Variants in GPN1 observed in about 807,000 individuals in gnomAD.
The protein encoded by GPN1 is GPN-loop GTPase 1.
In GPN1, 44 loss-of-function variants were observed where a neutral mutation model predicts 55.9. The ratio of observed to expected loss-of-function variants is 0.79; its 90% CI spans 0.62 to 1.01. The LOEUF (loss-of-function observed/expected upper bound fraction) is 1.01, where lower values mean the gene tolerates loss of function less well. Among genes scored for constraint, GPN1 ranks in the 50% least tolerant of loss-of-function variants. GPN1 has a pLI of 0.00. For synonymous variants in GPN1, 179 were observed against 162.5 expected, an observed-to-expected ratio of 1.10 and a Z score of -0.77; for missense variants, 466 against 462.8, an observed-to-expected ratio of 1.01 and a Z score of -0.06.
At chr2:27,638,306 G>C (rs751336566) in intron 8 of GPN1, 51 bp downstream of exon 8, 7 of 1,027,054 alleles carry the variant, frequency 6.8e-6, no homozygotes, top group Non-Finnish European at 1.1e-5. Context: ...AGAACCTTGT[G>C]GTTAGAAGGT....
At chr2:27,639,952 C>A (rs2148072742) in intron 9 of GPN1, 91 bp from the exon 10 acceptor site, 2 of 938,182 alleles carry the variant, frequency 2.1e-6, no homozygotes, top group Admixed American at 2.0e-5. Flanking sequence ...ACCACTCTTA[C>A]TAAGATTTTA....
chr2:27,645,085 A>G (rs1042909528), intron 12 of GPN1, among the ~76,000 whole-genome samples: 2 of 152,018 alleles, frequency 1.3e-5, no homozygotes, highest in African/African-American at 4.8e-5. Flanking sequence ...CCCCTGTCTC[A>G]GCCTCCAGAG....
chr2:27,640,254 T>C (rs566311694), intron 10 of GPN1, 129 bp downstream of exon 10: 5 of 721,750 alleles, frequency 6.9e-6, no homozygotes, highest in African/African-American at 3.5e-5. Flanking sequence ...CATATGTGTA[T>C]TGAATCAGAC....
intron 4 of GPN1, among the ~76,000 whole-genome samples, chr2:27,632,344 G>A (rs937799247): frequency 5.3e-5 from 8 of 152,200 alleles, no homozygotes; most frequent in African/African-American, 1.9e-4. Context: ...CCATGAGACA[G>A]GCTGTTAACA....
Position 27,643,507 on chromosome 2 carries a change from T to TA in GPN1, c.931+989dup, listed in dbSNP as rs1674067871. Among the ~76,000 whole-genome samples, 1 of 152,182 alleles carries TA rather than the reference T, an allele frequency of 6.6e-6. No individual in the cohort carries two copies. Among genetic ancestry groups the TA allele is most frequent in the Non-Finnish European group, 1.5e-5 (1 of 68,034 alleles). ...AATCAGGAAATTAACATTGACATAA[T>TA]ACTATAATATTAGCTAACATATAGA... On this transcript the variant is annotated intron_variant, in intron 12 of 13. Coordinates refer to ENST00000610189, the MANE Select transcript of GPN1 (RefSeq NM_007266.4). The surrounding 1 kb of genome is among the most constrained non-coding windows in gnomAD (Gnocchi z 4.0).
At chr2:27,642,630 C>G (rs1355831642) in intron 12 of GPN1, 111 bp downstream of exon 12, 1 of 663,812 alleles carries the variant, frequency 1.5e-6, no homozygotes, top group Non-Finnish European at 2.7e-6. Flanking sequence ...AGGCTGGAGT[C>G]TCGGCTCACC....
chr2:27,646,572 C>A (rs967739217), intron 12 of GPN1, among the ~76,000 whole-genome samples: 13 of 152,020 alleles, frequency 8.6e-5, no homozygotes, highest in African/African-American at 3.1e-4. Context: ...CCACCTTCCA[C>A]CCCCACCCCT....
rs530257519 is a variant in GPN1 at position 27,639,721 on chromosome 2, G to A, written c.718-322G>A. Among the ~76,000 whole-genome samples the A allele has an allele frequency of 2.0e-5, 3 of 152,074 alleles. No homozygotes were observed. In the South Asian group the frequency reaches 6.2e-4, roughly 32 times the overall value. Reference sequence around the variant, plus strand: ...TATATTTTGTAGAGACTGGGGTCTCGCTATGTTCCCCAGGCCAGTCTTGAA... The same window carrying A: ...TATATTTTGTAGAGACTGGGGTCTCACTATGTTCCCCAGGCCAGTCTTGAA... On this transcript the variant is annotated intron_variant, in intron 9 of 13. Transcript: ENST00000610189.
upstream of GPN1, chr2:27,628,648 G>T: frequency 6.4e-7 from 1 of 1,551,514 alleles, no homozygotes; most frequent in Non-Finnish European, 8.7e-7. Context: ...CTCGGCTACC[G>T]AATAAGCCCG....
chr2:27,628,302 T>G, upstream of GPN1: 2 of 1,255,740 alleles, frequency 1.6e-6, no homozygotes, highest in South Asian at 3.1e-5. Context: ...GGAGTAGAAA[T>G]AATTTTCTAG....
intron 8 of GPN1, 123 bp from the exon 9 acceptor site, chr2:27,638,762 G>A (rs1213218923): frequency 5.3e-6 from 4 of 748,124 alleles, no homozygotes; most frequent in East Asian, 5.2e-5. Context: ...CAATGGAGGG[G>A]AAATAGAAGC....
rs1191066858 is a variant in GPN1 at position 27,643,336 on chromosome 2, A to G, written c.931+817A>G. Among the ~76,000 whole-genome samples the G allele has an allele frequency of 5.9e-5, 9 of 151,846 alleles. No individual in the cohort carries two copies. Among genetic ancestry groups the G allele is most frequent in the African/African-American group, 2.2e-4 (9 of 41,362 alleles). ...TGTTTACTTTATTCTTTATCTATAT[A>G]TGACTTTATATGTTATATAAATATA... is the stretch of plus-strand genomic sequence containing the variant. On this transcript the variant is annotated intron_variant, in intron 12 of 13. Transcript: ENST00000610189. The surrounding 1 kb of genome is among the most constrained non-coding windows in gnomAD (Gnocchi z 4.0).
Position 27,651,029 on chromosome 2 carries a change from T to A in GPN1, c.*829T>A, listed in dbSNP as rs909032294. 2 of 152,366 alleles carry A rather than the reference T, an allele frequency of 1.3e-5. No individual in the cohort carries two copies. The highest frequency in any genetic ancestry group is 6.5e-5 in the Admixed American group (1 of 15,280). The allele number at this position is 152,366 out of a possible 1,614,324, so 9.4% of individuals were successfully genotyped here. A position where few individuals can be genotyped will look rare whatever the true frequency, so the allele number is the denominator to read the frequency against. On this transcript the variant is annotated 3_prime_UTR_variant, in exon 14 of 14. Transcript: ENST00000610189. Reference sequence around the variant, plus strand: ...GACTAAATACAGAGCTAGGCCCAGTTTGTATTGTACTCTGAACTTAATGCA... The same window carrying A: ...GACTAAATACAGAGCTAGGCCCAGTATGTATTGTACTCTGAACTTAATGCA...
intron 13 of GPN1, among the ~76,000 whole-genome samples, 194 bp downstream of exon 13, chr2:27,648,137 T>C (rs747231625): frequency 4.6e-5 from 7 of 152,240 alleles, no homozygotes; most frequent in Non-Finnish European, 8.8e-5. Context: ...TACAGGCCTT[T>C]CGTTGGTCTT....
chr2:27,646,432 G>A (rs1488543629), intron 12 of GPN1, among the ~76,000 whole-genome samples: 2 of 152,176 alleles, frequency 1.3e-5, no homozygotes, highest in East Asian at 3.9e-4. Context: ...ACTGGTTTAT[G>A]TTTGTATGTA....
At chr2:27,645,949 C>T (rs1368127118) in intron 12 of GPN1, among the ~76,000 whole-genome samples, 8 of 150,854 alleles carry the variant, frequency 5.3e-5, no homozygotes, top group African/African-American at 1.5e-4. Context: ...AGGCTGGTCT[C>T]GAACTCCTGG....
Position 27,634,915 on chromosome 2 carries a change from T to G in GPN1, c.420T>G (p.Thr140=). The change falls in exon 6 of 14, where the codon ACT becomes ACG. Residue 140 remains threonine (T), a synonymous_variant. Transcript: ENST00000610189. The part of the protein sequence containing the change: ...FTWSASGTII[T]EALASSFPTV... Reference sequence around the variant, plus strand: ...GGTCAGCTTCTGGGACAATTATCACTGAAGCCCTTGTGAGTATTCTAGGAC... The same window carrying G: ...GGTCAGCTTCTGGGACAATTATCACGGAAGCCCTTGTGAGTATTCTAGGAC... 2 of 1,583,012 alleles carry G rather than the reference T, an allele frequency of 1.3e-6. No individual in the cohort carries two copies. Among genetic ancestry groups the G allele is most frequent in the Non-Finnish European group, 1.7e-6 (2 of 1,151,512 alleles).
At position 27,638,904 on chromosome 2, in the gene GPN1, G is replaced by A; in HGVS notation, c.590G>A (p.Ser197Asn). 6.2e-7 allele frequency: 1 copy of A among 1,613,872 alleles called. No individual in the cohort carries two copies. The highest frequency in any genetic ancestry group is 8.5e-7 in the Non-Finnish European group (1 of 1,179,866). ...VMNKTDIIDH[S>N]FAVEWMQDFE... ...GTACAGACTGACATCATTGACCACA[G>A]CTTTGCAGTGGAATGGATGCAGGAT... Residue 197 changes from serine (S) to asparagine (N), a missense_variant, in exon 9 of 14, where the codon AGC becomes AAC. Physicochemically the swap from Ser to Asn is conservative, Grantham distance 46. Transcript: ENST00000610189.
At chr2:27,628,661 CAG>C, upstream of GPN1, 1 of 1,551,558 alleles carries the variant, frequency 6.4e-7, no homozygotes, top group Non-Finnish European at 8.7e-7. Context: ...TAAGCCCGAG[CAG>C]CCGGTCCTCC....
Sources: gnomAD v4.1 joint callset for allele counts (sites outside exome capture counted in the v4.1 genomes callset) on GRCh38, gnomAD v4.1.1 for gene constraint, Gnocchi (gnomAD v3.1) non-coding constraint, MANE v1.5 for transcripts, NCBI Gene and HGNC (gene_info 2026-07-23, HGNC 2026-07-21) for gene names.